The following SEMA3A variants were observed in gnomAD, a reference collection of about 807,000 sequenced individuals.
SEMA3A encodes the protein semaphorin 3A, also known as semaphorin-3A.
In SEMA3A, 29 loss-of-function variants were observed where a neutral mutation model predicts 97.9. That is an observed-to-expected ratio of 0.30 (90% confidence interval 0.22 to 0.40). The LOEUF (loss-of-function observed/expected upper bound fraction) is 0.40. Ranked by LOEUF, SEMA3A falls within the 10% of genes least tolerant of loss-of-function variation. The probability of loss-of-function intolerance (pLI) is 1.00; values close to 1 mark genes in which losing one functional copy is unlikely to be tolerated. For synonymous variants in SEMA3A, 321 were observed against 323.7 expected (o/e 0.99, Z 0.09); for missense variants, 763 against 951.3 (o/e 0.80, Z 2.60).
In SEMA3A at chr7:84,017,892, G is replaced by T. The variant is rs546400454; in HGVS notation, c.668-3541C>A. On this transcript the variant is annotated intron_variant, in intron 6 of 16. Coordinates refer to ENST00000265362, the MANE Select transcript of SEMA3A (RefSeq NM_006080.3). ...TTTCTTGGCTGCTGGAATCTCCACT[G>T]TACCAGCTTTATAAATCCCCAGATT... is the stretch of plus-strand genomic sequence containing the variant. 2.0e-5 allele frequency among the ~76,000 whole-genome samples: 3 copies of T among 152,108 alleles called. No individual in the cohort carries two copies. The South Asian group carries it at 6.2e-4, about 32-fold the overall frequency.
chr7:84,320,359 T>C (rs1326502331), intron 2 of SEMA3A, among the ~76,000 whole-genome samples: 1 of 152,154 alleles, frequency 6.6e-6, no homozygotes, highest in Non-Finnish European at 1.5e-5. Context: ...TAAAATAATA[T>C]GTTTCTTCCA....
At chr7:84,021,357 G>A (rs574597952) in intron 6 of SEMA3A, among the ~76,000 whole-genome samples, 75 of 152,200 alleles carry the variant, frequency 4.9e-4, no homozygotes, top group Middle Eastern at 3.4e-3. Flanking sequence ...TCTTACGACA[G>A]GCATTTGCCC....
At chr7:84,406,922 T>C (rs964159608) in intron 1 of SEMA3A, among the ~76,000 whole-genome samples, 2 of 152,208 alleles carry the variant, frequency 1.3e-5, no homozygotes, top group African/African-American at 4.8e-5. Flanking sequence ...GAGTTATCTA[T>C]GACAAAACCA....
At chr7:84,244,065 T>C (rs1302273745) in intron 3 of SEMA3A, among the ~76,000 whole-genome samples, 2 of 152,226 alleles carry the variant, frequency 1.3e-5, no homozygotes, top group Non-Finnish European at 2.9e-5. Context: ...GAAGAATGTA[T>C]ATTCTGTTGA....
intron 1 of SEMA3A, among the ~76,000 whole-genome samples, chr7:84,426,393 T>C (rs149684105): frequency 2.0e-5 from 3 of 152,206 alleles, no homozygotes; most frequent in African/African-American, 7.2e-5. Flanking sequence ...AAGTATTTGT[T>C]GACTGATATG....
intron 3 of SEMA3A, among the ~76,000 whole-genome samples, chr7:84,277,148 G>C (rs1156829989): frequency 6.6e-6 from 1 of 152,104 alleles, no homozygotes; most frequent in Non-Finnish European, 1.5e-5. Flanking sequence ...TGAAGATGAT[G>C]ATGAAGTCTT....
intron 1 of SEMA3A, among the ~76,000 whole-genome samples, chr7:84,486,352 C>A (rs1806573673): frequency 6.6e-6 from 1 of 152,218 alleles, no homozygotes; most frequent in Non-Finnish European, 1.5e-5. Context: ...CGTGCCATTG[C>A]ATTCCAGCCT....
intron 1 of SEMA3A, among the ~76,000 whole-genome samples, chr7:84,475,508 G>A (rs1001028136): frequency 2.0e-5 from 3 of 152,148 alleles, no homozygotes; most frequent in African/African-American, 2.4e-5. Context: ...ATTGGGGTAC[G>A]TTTTACACGC....
intron 3 of SEMA3A, among the ~76,000 whole-genome samples, chr7:84,282,245 C>T (rs1218607641): frequency 1.3e-5 from 2 of 152,122 alleles, no homozygotes; most frequent in African/African-American, 4.8e-5. Context: ...TTAAAAAAAA[C>T]ATTATTCCTA....
At chr7:84,275,529 T>C (rs546120998) in intron 3 of SEMA3A, among the ~76,000 whole-genome samples, 11 of 152,116 alleles carry the variant, frequency 7.2e-5, no homozygotes, top group Non-Finnish European at 1.3e-4. Flanking sequence ...TGTGCTTCTC[T>C]GATATGTACA....
chr7:84,376,431 T>C lies in SEMA3A; in HGVS notation c.-245-4531A>G, dbSNP rs1036301512. On this transcript the variant is annotated intron_variant, in intron 1 of 3. Coordinates refer to the SEMA3A transcript ENST00000424555. The stretch of plus-strand genomic sequence containing the variant: ...TCCTGGCTAACACAGTGAAACCCCG[T>C]CTCTACTAAAAAACACAAAAAAATT... 1.6e-5 allele frequency among the ~76,000 whole-genome samples: 2 copies of C among 125,828 alleles called. 1 individual carries two copies. The highest frequency in any genetic ancestry group is 3.4e-5 in the Non-Finnish European group (2 of 58,066). 82.5% of individuals were successfully genotyped at this position (125,828 alleles called of 152,430 possible).
chr7:84,206,320 ATTTTT>A (rs532227830), intron 3 of SEMA3A, among the ~76,000 whole-genome samples: 1 of 130,400 alleles, frequency 7.7e-6, no homozygotes, highest in Admixed American at 7.8e-5. Context: ...CCAAGATGGC[ATTTTT>A]TTTTTTTTTT....
At chr7:84,445,205 A>T (rs1217784939) in intron 1 of SEMA3A, among the ~76,000 whole-genome samples, 1 of 151,986 alleles carries the variant, frequency 6.6e-6, no homozygotes, top group Admixed American at 6.6e-5. Context: ...AGAAATCAAT[A>T]ATGAGGCCGG....
At chr7:84,191,230 A>T (rs1562843052) in intron 1 of SEMA3A, among the ~76,000 whole-genome samples, 2 of 150,606 alleles carry the variant, frequency 1.3e-5, no homozygotes, top group Admixed American at 1.3e-4. Flanking sequence ...TGACTCTGAA[A>T]AAAAAAAAAA....
intron 1 of SEMA3A, among the ~76,000 whole-genome samples, chr7:84,436,477 T>A (rs1304984323): frequency 6.6e-6 from 1 of 152,062 alleles, no homozygotes; most frequent in Non-Finnish European, 1.5e-5. Flanking sequence ...ACTTAAGCAA[T>A]TCAATAAGGA....
intron 3 of SEMA3A, among the ~76,000 whole-genome samples, chr7:84,201,825 T>C (rs949594551): frequency 4.3e-4 from 66 of 152,254 alleles, no homozygotes; most frequent in African/African-American, 1.5e-3. Context: ...AAGTTTGACT[T>C]GAGGACTTAA....
intron 2 of SEMA3A, among the ~76,000 whole-genome samples, chr7:84,369,997 G>A (rs1802937733): frequency 6.6e-6 from 1 of 151,210 alleles, no homozygotes; most frequent in Non-Finnish European, 1.5e-5. Flanking sequence ...AGGAAAGGAA[G>A]CTGCAAAAAC....
chr7:84,047,542 A>G (rs1792402712), intron 5 of SEMA3A, among the ~76,000 whole-genome samples: 5 of 151,182 alleles, frequency 3.3e-5, no homozygotes, highest in Admixed American at 3.3e-4. Context: ...AGTTTGTAAA[A>G]ATTACTCTTT....
At chr7:84,231,147 A>T (rs1297016712) in intron 3 of SEMA3A, among the ~76,000 whole-genome samples, 1 of 151,968 alleles carries the variant, frequency 6.6e-6, no homozygotes, top group African/African-American at 2.4e-5. Context: ...GAGTATCTTC[A>T]TATATTTGTC....
Sources: allele counts gnomAD v4.1 joint callset (sites outside exome capture counted in the v4.1 genomes callset), GRCh38; gene constraint gnomAD v4.1.1; transcripts MANE v1.5; gene names NCBI Gene and HGNC (gene_info 2026-07-23, HGNC 2026-07-21).